The following ADAM19 variants were observed in gnomAD, a reference collection of about 807,000 sequenced individuals.
ADAM19 encodes the protein disintegrin and metalloproteinase domain-containing protein 19.
A neutral mutation model predicts 114.7 loss-of-function variants in ADAM19; 65 were observed. The ratio of observed to expected loss-of-function variants is 0.57; its 90% CI spans 0.46 to 0.70. ADAM19 has a LOEUF of 0.70. ADAM19 is among the 30% of genes least tolerant of loss of function. The pLI, the probability that ADAM19 is intolerant of heterozygous loss-of-function variation, is 0.00. For synonymous variants in ADAM19, 466 were observed against 460.5 expected, an observed-to-expected ratio of 1.01 and a Z score of -0.15; for missense variants, 1,063 against 1,204.7, an observed-to-expected ratio of 0.88 and a Z score of 1.74.
chr5:157,499,239 C>T (rs1755469714), intron 13 of ADAM19, among the ~76,000 whole-genome samples: 1 of 151,862 alleles, frequency 6.6e-6, no homozygotes, highest in African/African-American at 2.4e-5. Context: ...ACTAAGAGGT[C>T]CATTAATGTC....
chr5:157,503,024 T>C, intron 11 of ADAM19, 44 bp from the exon 12 acceptor site: 1 of 1,579,326 alleles, frequency 6.3e-7, no homozygotes, highest in East Asian at 2.3e-5. Context: ...TTTGAGCATC[T>C]AGCAGTCAGG....
intron 18 of ADAM19, 64 bp downstream of exon 18, chr5:157,491,551 A>T: frequency 8.4e-7 from 1 of 1,185,286 alleles, no homozygotes; most frequent in Non-Finnish European, 1.2e-6. Context: ...GCAACATGCC[A>T]CCTGCCCCTG....
rs577998575 is a variant in ADAM19 at position 157,499,349 on chromosome 5, C to T, written c.1398+224G>A. 4.6e-5 allele frequency among the ~76,000 whole-genome samples: 7 copies of T among 152,246 alleles called. No individual in the cohort carries two copies. In the South Asian group the frequency reaches 1.5e-3, roughly 32 times the overall value. Reference sequence around the variant, plus strand: ...AAAAAGAAAAAAAAAAGTACCATTTCCAAAGAAGCGCCACCCTCCTCTGGG... The same window carrying T: ...AAAAAGAAAAAAAAAAGTACCATTTTCAAAGAAGCGCCACCCTCCTCTGGG... On this transcript the variant is annotated intron_variant, in intron 13 of 22. Coordinates refer to ENST00000257527, the MANE Select transcript of ADAM19 (RefSeq NM_033274.5).
At chr5:157,520,215 A>C (rs909653531) in intron 5 of ADAM19, among the ~76,000 whole-genome samples, 184 bp from the exon 6 acceptor site, 2 of 152,094 alleles carry the variant, frequency 1.3e-5, no homozygotes, top group African/African-American at 4.8e-5. Context: ...TCCTCTCTAG[A>C]GGAATGCACT....
intron 21 of ADAM19, among the ~76,000 whole-genome samples, chr5:157,486,235 G>A (rs999634426): frequency 6.6e-6 from 1 of 152,184 alleles, no homozygotes; most frequent in African/African-American, 2.4e-5. Context: ...AATCCTATGA[G>A]GCCTGGCAAC....
chr5:157,496,717 G>T (rs757377251), intron 14 of ADAM19, among the ~76,000 whole-genome samples, 177 bp downstream of exon 14: 1 of 152,194 alleles, frequency 6.6e-6, no homozygotes, highest in African/African-American at 2.4e-5. Flanking sequence ...TCAAGGGACT[G>T]GGAAGGAACA....
rs1754690856 is a variant in ADAM19 at position 157,479,779 on chromosome 5, C to G, written c.*1170G>C. 1.1e-5 allele frequency: 11 copies of G among 985,542 alleles called. No individual in the cohort carries two copies. Among genetic ancestry groups the G allele is most frequent in the Middle Eastern group, 5.2e-4 (1 of 1,936 alleles). The allele number at this position is 985,542 out of a possible 1,614,324, so 61.0% of individuals were successfully genotyped here. On this transcript the variant is annotated 3_prime_UTR_variant, in exon 23 of 23. Transcript: ENST00000257527. ...TCTCGGGCAGCTCCCAGAAATGGGTCTGTTCTCTGCTCAGAGGGCAACGGT... is the reference window on the plus strand; with the variant it reads ...TCTCGGGCAGCTCCCAGAAATGGGTGTGTTCTCTGCTCAGAGGGCAACGGT...
In ADAM19 at chr5:157,480,737, C is replaced by T. The variant is rs1754720697; in HGVS notation, c.*212G>A. 2 of 1,417,288 alleles carry T rather than the reference C, an allele frequency of 1.4e-6. No individual in the cohort carries two copies. Among genetic ancestry groups the T allele is most frequent in the Non-Finnish European group, 1.8e-6 (2 of 1,089,606 alleles). 87.8% of individuals were successfully genotyped at this position (1,417,288 alleles called of 1,614,324 possible). A position where few individuals can be genotyped will look rare whatever the true frequency, so the allele number is the denominator to read the frequency against. On this transcript the variant is annotated 3_prime_UTR_variant, in exon 23 of 23. Coordinates refer to ENST00000257527, the MANE Select transcript of ADAM19 (RefSeq NM_033274.5). ...GGGCTGTATATTGCACAAAACAACA[C>T]CTAGAGGCCATCAGATCATAGTCCC...
Position 157,494,587 on chromosome 5 carries a change from G to A in ADAM19, c.1703+100C>T, listed in dbSNP as rs1164794076. On this transcript the variant is annotated intron_variant, in intron 15 of 22. Coordinates refer to ENST00000257527, the MANE Select transcript of ADAM19 (RefSeq NM_033274.5). ...TTCAACTGATTGACGTAAAGGTGCA[G>A]CTCTGGGGCCAGTCACACTGCTGAG... 4.5e-5 allele frequency: 41 copies of A among 918,762 alleles called. No individual in the cohort carries two copies. The South Asian group carries it at 5.2e-4, about 12-fold the overall frequency. 56.9% of individuals were successfully genotyped at this position (918,762 alleles called of 1,614,324 possible).
chr5:157,527,193 G>C (rs946248034), intron 5 of ADAM19, among the ~76,000 whole-genome samples: 2 of 152,042 alleles, frequency 1.3e-5, no homozygotes, highest in Non-Finnish European at 2.9e-5. Flanking sequence ...GGGAGCACAA[G>C]GGAAACTGAC....
Position 157,480,898 on chromosome 5 carries a change from C to A in ADAM19, c.*51G>T. 6.2e-7 allele frequency: 1 copy of A among 1,613,520 alleles called. No individual in the cohort carries two copies. Among genetic ancestry groups the A allele is most frequent in the African/African-American group, 1.3e-5 (1 of 75,014 alleles). On this transcript the variant is annotated 3_prime_UTR_variant, in exon 23 of 23. Coordinates refer to ENST00000257527, the MANE Select transcript of ADAM19 (RefSeq NM_033274.5). ...CTTCAGGGTTCCATGGCCATGGGTC[C>A]TCTGCAGTGTCCAGAGAGCTCAAGG...
At chr5:157,570,572 G>A (rs1042258844) in intron 2 of ADAM19, 1 of 239,960 alleles carries the variant, frequency 4.2e-6, no homozygotes, top group Non-Finnish European at 8.3e-6. Flanking sequence ...GTATTATGCA[G>A]AGCAAAAATA....
chr5:157,498,840 A>C (rs1755456405), intron 13 of ADAM19, among the ~76,000 whole-genome samples: 1 of 152,086 alleles, frequency 6.6e-6, no homozygotes, highest in South Asian at 2.1e-4. Context: ...ATAAATATTC[A>C]CTTTAGGAGT....
chr5:157,480,722 T>C lies in ADAM19; in HGVS notation c.*227A>G. 7.2e-7 allele frequency: 1 copy of C among 1,383,380 alleles called. No homozygotes were observed. Among genetic ancestry groups the C allele is most frequent in the Non-Finnish European group, 9.4e-7 (1 of 1,069,170 alleles). 85.7% of individuals were successfully genotyped at this position (1,383,380 alleles called of 1,614,324 possible). On this transcript the variant is annotated 3_prime_UTR_variant, in exon 23 of 23. Coordinates refer to ENST00000257527, the MANE Select transcript of ADAM19 (RefSeq NM_033274.5). The stretch of plus-strand genomic sequence containing the variant: ...TCCCCTCCCTACCTGGGGCTGTATA[T>C]TGCACAAAACAACACCTAGAGGCCA...
At chr5:157,520,111 T>A in intron 5 of ADAM19, 80 bp from the exon 6 acceptor site, 1 of 1,380,348 alleles carries the variant, frequency 7.2e-7, no homozygotes, top group Non-Finnish European at 9.9e-7. Flanking sequence ...AGTTTCTCCA[T>A]ATGCAAAATG....
chr5:157,574,378 T>C (rs188840752), intron 1 of ADAM19, among the ~76,000 whole-genome samples: 1 of 152,326 alleles, frequency 6.6e-6, no homozygotes, highest in Non-Finnish European at 1.5e-5. Context: ...GGCCTGGTGC[T>C]ACCCTAGAAC....
chr5:157,564,160 T>C (rs1266323575), intron 3 of ADAM19, among the ~76,000 whole-genome samples: 1 of 152,156 alleles, frequency 6.6e-6, no homozygotes, highest in Non-Finnish European at 1.5e-5. Flanking sequence ...CCTAAGGAAA[T>C]TTTAGCAACA....
At chr5:157,523,619 G>C (rs1390146083) in intron 5 of ADAM19, among the ~76,000 whole-genome samples, 1 of 152,218 alleles carries the variant, frequency 6.6e-6, no homozygotes, top group African/African-American at 2.4e-5. Context: ...AGTGGAAGCA[G>C]CCTGAGGCCC....
intron 1 of ADAM19, among the ~76,000 whole-genome samples, chr5:157,574,753 G>A (rs1465898632): frequency 6.6e-6 from 1 of 152,186 alleles, no homozygotes; most frequent in East Asian, 1.9e-4. Context: ...GAGCCGGGGA[G>A]GGGATTGGTG....
Sources: allele counts gnomAD v4.1 joint callset (sites outside exome capture counted in the v4.1 genomes callset), GRCh38; gene constraint gnomAD v4.1.1; transcripts MANE v1.5; gene names NCBI Gene and HGNC (gene_info 2026-07-23, HGNC 2026-07-21).